The following CD101 variants were observed in gnomAD, a reference collection of about 807,000 sequenced individuals.
CD101 encodes immunoglobulin superfamily member 2.
Under a neutral mutation model 98.2 loss-of-function variants are expected in CD101, and 76 were observed. That is an observed-to-expected ratio of 0.77 (90% CI 0.64 to 0.94). The LOEUF is 0.94. CD101 is among the 40% of genes least tolerant of loss of function. The pLI is 0.00. For missense variants in CD101, 1,145 were observed against 1,218.8 expected (o/e 0.94, Z 0.90); for synonymous variants, 471 against 472.7 (o/e 1.00, Z 0.05).
In CD101 at chr1:117,025,736, C is replaced by T. The variant is rs145563609; in HGVS notation, c.2656C>T (p.Arg886Cys). The T allele has an allele frequency of 1.1e-3, 1,713 of 1,614,140 alleles. 4 individuals are homozygous for T. Among genetic ancestry groups the T allele is most frequent in the Middle Eastern group, 4.1e-3 (25 of 6,060 alleles). Residue 886 changes from arginine to cysteine, a missense_variant, in exon 8 of 10, where the codon CGT becomes TGT. Coordinates refer to ENST00000682167, the MANE Select transcript of CD101 (RefSeq NM_001256106.3). The part of the protein sequence containing the change: ...EGLRRHLHCY[R>C]SSSTDFVLKL... ...GCTCAGGAGGCACCTGCACTGTTAC[C>T]GTTCATCCTCTACAGACTTTGTCCT...
Position 117,023,937 on chromosome 1 carries a change from CACATAGAGGACAGAAAAGG to C in CD101, c.2429-1569_2429-1551del, listed in dbSNP as rs1653732212. Among the ~76,000 whole-genome samples the C allele has an allele frequency of 6.6e-6, 1 of 152,068 alleles. No homozygotes were observed. The highest frequency in any genetic ancestry group is 2.1e-4 in the South Asian group (1 of 4,824). ...GAAATTGGACTCCAGTAACAAAAAC[CACATAGAGGACAGAAAAGG>C]ACTAGAGGGTCCCTTGAACTGGGAA... On this transcript the variant is annotated intron_variant, in intron 7 of 9. Transcript: ENST00000682167. The surrounding 1 kb of genome is among the most constrained non-coding windows in gnomAD (Gnocchi z 4.4).
rs12097758 is a variant in CD101, at chr1:117,033,928, G to A, written c.2893G>A (p.Val965Ile). The A allele has an allele frequency of 5.9e-4, 960 of 1,613,946 alleles. 6 individuals carry two copies. The African/African-American group carries it at 9.5e-3, about 16-fold the overall frequency. ...CTATTTCCTGTTCATCTGTCCCTTC[G>A]TCCTGCTCCTCCTTCTGCTCATCTC... The part of the protein sequence containing the change: ...LLYFLFICPF[V>I]LLLLLLISLL... The change falls in exon 9 of 10, where the codon GTC (valine) becomes ATC (isoleucine). Residue 965 changes from valine (V) to isoleucine (I), a missense_variant. Transcript: ENST00000682167. The surrounding 1 kb of genome is among the most constrained non-coding windows in gnomAD (Gnocchi z 4.8).
chr1:117,030,252 C>A (rs1007314006), intron 8 of CD101, among the ~76,000 whole-genome samples: 1 of 152,008 alleles, frequency 6.6e-6, no homozygotes, highest in Non-Finnish European at 1.5e-5. Flanking sequence ...ATGGTTGATG[C>A]ACGCCTGTAG....
chr1:117,009,827 C>T, intron 1 of CD101, 23 bp from the exon 2 acceptor site: 1 of 1,568,840 alleles, frequency 6.4e-7, no homozygotes. Context: ...TTTTTATTCC[C>T]CTTTCTTTCT....
At chr1:117,035,367 C>A (rs565370810) in intron 9 of CD101, among the ~76,000 whole-genome samples, 82 of 152,236 alleles carry the variant, frequency 5.4e-4, no homozygotes, top group African/African-American at 2.0e-3. Flanking sequence ...TAGTTCCTTC[C>A]TAAGGGGATT....
chr1:117,034,176 C>A, intron 9 of CD101, 42 bp downstream of exon 9: 1 of 1,554,510 alleles, frequency 6.4e-7, no homozygotes, highest in Non-Finnish European at 8.7e-7. Flanking sequence ...GTGAATGAAT[C>A]CTGGTTCTGT....
In CD101 at chr1:117,033,347, G is replaced by A. The variant is rs1245641383; in HGVS notation, c.2825-513G>A. 1.3e-5 allele frequency among the ~76,000 whole-genome samples: 2 copies of A among 152,086 alleles called. No individual in the cohort carries two copies. Among genetic ancestry groups the A allele is most frequent in the African/African-American group, 4.8e-5 (2 of 41,396 alleles). Reference sequence around the variant, plus strand: ...GAGGGCCAGGCTTGGGTCAGCGGGGGTAGGGGCTTCTTATTGTGGGTGTGA... The same window carrying A: ...GAGGGCCAGGCTTGGGTCAGCGGGGATAGGGGCTTCTTATTGTGGGTGTGA... On this transcript the variant is annotated intron_variant, in intron 8 of 9. Transcript: ENST00000682167. This position sits in a 1 kb window ranked among gnomAD's most constrained non-coding sequence, Gnocchi z 4.8.
At position 117,006,740 on chromosome 1, in the gene CD101, A is replaced by C. The variant is rs983157189; in HGVS notation, c.44-3110A>C. 6.6e-6 allele frequency among the ~76,000 whole-genome samples: 1 copy of C among 152,008 alleles called. No homozygotes were observed. The highest frequency in any genetic ancestry group is 2.4e-5 in the African/African-American group (1 of 41,400). On this transcript the variant is annotated intron_variant, in intron 1 of 9. Coordinates refer to ENST00000682167, the MANE Select transcript of CD101 (RefSeq NM_001256106.3). The surrounding 1 kb of genome is among the most constrained non-coding windows in gnomAD (Gnocchi z 4.4). ...CCCTCAAAATGTAGTCCCTCTTCAA[A>C]ATTTTTGAAGCACTTTTATTATATG...
At chr1:117,016,732 C>T (rs1653242333) in intron 4 of CD101, among the ~76,000 whole-genome samples, 1 of 152,172 alleles carries the variant, frequency 6.6e-6, no homozygotes, top group Non-Finnish European at 1.5e-5. Flanking sequence ...TTGGCACGTG[C>T]CTGTAGTCCC....
Position 117,018,745 on chromosome 1 carries a change from G to T in CD101, c.2017+185G>T, listed in dbSNP as rs1653402874. Among the ~76,000 whole-genome samples the T allele has an allele frequency of 6.6e-6, 1 of 152,188 alleles. No homozygotes were observed. Among genetic ancestry groups the T allele is most frequent in the Non-Finnish European group, 1.5e-5 (1 of 68,034 alleles). Reference sequence around the variant, plus strand: ...TTAGTATGCATGGGTTGGCCATACTGGTTGTTAAAACATTGAAATACCTTC... The same window carrying T: ...TTAGTATGCATGGGTTGGCCATACTTGTTGTTAAAACATTGAAATACCTTC... On this transcript the variant is annotated intron_variant, in intron 6 of 9. Coordinates refer to ENST00000682167, the MANE Select transcript of CD101 (RefSeq NM_001256106.3). The surrounding 1 kb of genome is among the most constrained non-coding windows in gnomAD (Gnocchi z 4.3).
Position 117,004,476 on chromosome 1 carries a change from A to G in CD101, c.43+2616A>G, listed in dbSNP as rs1470250034. Among the ~76,000 whole-genome samples the G allele has an allele frequency of 1.3e-5, 2 of 152,178 alleles. No individual in the cohort carries two copies. Among genetic ancestry groups the G allele is most frequent in the East Asian group, 3.8e-4 (2 of 5,196 alleles). ...AGTGATATTTTTAAAGAAAGTCAAT[A>G]CCATCGAGGAATTTTTGGTGTTTTG... On this transcript the variant is annotated intron_variant, in intron 1 of 9. Transcript: ENST00000682167. The surrounding 1 kb of genome is among the most constrained non-coding windows in gnomAD (Gnocchi z 4.1).
chr1:117,013,279 A>G (rs902465196), intron 3 of CD101, 127 bp from the exon 4 acceptor site: 16 of 1,179,474 alleles, frequency 1.4e-5, no homozygotes, highest in African/African-American at 1.2e-4. Context: ...ACCTACCGCT[A>G]TAGAATTGAA....
intron 1 of CD101, among the ~76,000 whole-genome samples, chr1:117,007,120 T>C (rs941666909): frequency 2.0e-5 from 3 of 152,104 alleles, no homozygotes; most frequent in Non-Finnish European, 4.4e-5. Context: ...AAATACAACA[T>C]AAGAAAATTT....
chr1:117,022,734 A>T lies in CD101; in HGVS notation c.2428+751A>T, dbSNP rs369482604. On this transcript the variant is annotated intron_variant, in intron 7 of 9. Coordinates refer to ENST00000682167, the MANE Select transcript of CD101 (RefSeq NM_001256106.3). This position sits in a 1 kb window ranked among gnomAD's most constrained non-coding sequence, Gnocchi z 4.8. The stretch of plus-strand genomic sequence containing the variant: ...TATTTTCAAGGTAACGCTAAAAAAA[A>T]ATTAGATGATAATTGAGCATTACTA... Among the ~76,000 whole-genome samples the T allele has an allele frequency of 7.2e-5, 11 of 152,336 alleles. No homozygotes were observed. Among genetic ancestry groups the T allele is most frequent in the East Asian group, 5.8e-4 (3 of 5,186 alleles).
rs1021596071 is a variant in CD101 at position 117,036,151 on chromosome 1, A to G, written c.*34-17A>G. 7 of 152,302 alleles carry G rather than the reference A, an allele frequency of 4.6e-5. No individual in the cohort carries two copies. The highest frequency in any genetic ancestry group is 7.3e-5 in the Non-Finnish European group (5 of 68,122). 9.4% of individuals were successfully genotyped at this position (152,302 alleles called of 1,614,324 possible). A position where few individuals can be genotyped will look rare whatever the true frequency, so the allele number is the denominator to read the frequency against. On this transcript the variant is annotated splice_polypyrimidine_tract_variant and intron_variant, in intron 9 of 9. Coordinates refer to ENST00000682167, the MANE Select transcript of CD101 (RefSeq NM_001256106.3). This position sits in a 1 kb window ranked among gnomAD's most constrained non-coding sequence, Gnocchi z 5.0. ...AGCAGACATTTAACCAACTTGAGCAATCAGCTTGTTTTACAGCTTCCTGCC... is the reference window on the plus strand; with the variant it reads ...AGCAGACATTTAACCAACTTGAGCAGTCAGCTTGTTTTACAGCTTCCTGCC...
In CD101 at chr1:117,017,115, G is replaced by T; in HGVS notation, c.1254G>T (p.Lys418Asn). Residue 418 changes from lysine to asparagine, a missense_variant, in exon 5 of 10, where the codon AAG becomes AAT. Coordinates refer to ENST00000682167, the MANE Select transcript of CD101 (RefSeq NM_001256106.3). ...CAAGAAGTGTGGTCATGTCTACCAA[G>T]AACAAGCAGCAAGTTGTGTGGGAAG... ...PAARSVVMST[K>N]NKQQVVWEGE... is the part of the protein sequence containing the mutation. 1 of 1,614,044 alleles carries T rather than the reference G, an allele frequency of 6.2e-7. No homozygotes were observed. Among genetic ancestry groups the T allele is most frequent in the South Asian group, 1.1e-5 (1 of 91,062 alleles).
At position 117,010,221 on chromosome 1, in the gene CD101, A is replaced by G; in HGVS notation, c.415A>G (p.Asn139Asp). ...KYYGSYSAKT[N>D]LIVIPDTLSA... ...CTATGGAAGTTACAGTGCAAAGACT[A>G]ATCTAATTGGTAAGTTGCTTGTCCA... Residue 139 changes from asparagine (N) to aspartate (D), a missense_variant, in exon 2 of 10, where the codon AAT (asparagine) becomes GAT (aspartate). Transcript: ENST00000682167. This position sits in a 1 kb window ranked among gnomAD's most constrained non-coding sequence, Gnocchi z 5.2. 1 of 1,607,218 alleles carries G rather than the reference A, an allele frequency of 6.2e-7. No homozygotes were observed. Among genetic ancestry groups the G allele is most frequent in the Non-Finnish European group, 8.5e-7 (1 of 1,174,728 alleles).
chr1:117,024,867 T>C (rs12088847), intron 7 of CD101, among the ~76,000 whole-genome samples: 3,750 of 152,252 alleles, frequency 0.025, 121 homozygotes, highest in African/African-American at 0.08. Flanking sequence ...AAGTTGTGAA[T>C]GACCACTTTG....
chr1:117,031,046 G>C (rs142111489), intron 8 of CD101, among the ~76,000 whole-genome samples: 102 of 152,336 alleles, frequency 6.7e-4, no homozygotes, highest in African/African-American at 2.3e-3. Flanking sequence ...TTAATGGTTT[G>C]AATGTCACTA....
Sources: gnomAD v4.1 joint callset for allele counts (sites outside exome capture counted in the v4.1 genomes callset) on GRCh38, gnomAD v4.1.1 for gene constraint, Gnocchi (gnomAD v3.1) non-coding constraint, MANE v1.5 for transcripts, NCBI Gene and HGNC (gene_info 2026-07-23, HGNC 2026-07-21) for gene names.